The following RTF1 variants were observed in gnomAD, a reference collection of about 807,000 sequenced individuals.
The protein encoded by RTF1 is RTF1 homolog, Paf1/RNA polymerase II complex component, also known as RNA polymerase-associated protein RTF1 homolog.
A neutral mutation model predicts 95.7 loss-of-function variants in RTF1; 10 were observed. That is an observed-to-expected ratio of 0.10 (90% CI 0.06 to 0.18). RTF1 has a LOEUF of 0.18. Ranked by LOEUF, RTF1 falls within the 10% of genes least tolerant of loss-of-function variation. The probability of loss-of-function intolerance (pLI) is 1.00; values close to 1 mark genes in which losing one functional copy is unlikely to be tolerated. For synonymous variants in RTF1, 305 were observed against 311.8 expected (o/e 0.98, Z 0.23); for missense variants, 458 against 875.6 (o/e 0.52, Z 6.02).
At chr15:41,430,006 C>CTTTTTTTTTTTTTTTTTTTTTTT (rs1410593149) in intron 1 of RTF1, among the ~76,000 whole-genome samples, 1 of 143,034 alleles carries the variant, frequency 7.0e-6, no homozygotes, top group Non-Finnish European at 1.5e-5. Context: ...TTTATTTTTT[C>CTTTTTTTTTTTTTTTTTTTTTTT]TTTTCTTTTT....
At position 41,438,395 on chromosome 15, in the gene RTF1, C is replaced by T. The variant is rs377506786; in HGVS notation, c.273C>T (p.Ala91=). ...EKEPPVSQPA[A]SSDSETSDSD... Reference sequence around the variant, plus strand: ...AGCCGCCTGTGAGTCAGCCTGCAGCCTCGTCAGACTCGGAGACGTCTGACA... The same window carrying T: ...AGCCGCCTGTGAGTCAGCCTGCAGCTTCGTCAGACTCGGAGACGTCTGACA... The change falls in exon 2 of 18, where the codon GCC becomes GCT. Residue 91 remains alanine, a synonymous_variant. Transcript: ENST00000389629. The T allele has an allele frequency of 7.8e-5, 121 of 1,551,216 alleles. No homozygotes were observed. In the African/African-American group the frequency reaches 1.4e-3, roughly 18 times the overall value.
Position 41,480,237 on chromosome 15 carries a change from G to C in RTF1, c.1938G>C (p.Leu646Phe). ...MSKGQGKDKD[L>F]NSKSASDLSE... ...AGGGTCAAGGCAAAGATAAAGATTT[G>C]AATTCTAAGTCAGCCAGTGACCTCT... The change falls in exon 17 of 18, where the codon TTG becomes TTC. Residue 646 changes from leucine to phenylalanine, a missense_variant. Around this residue, in one of 11 missense-constraint regions of RTF1, gnomAD observed 50 missense variants for 100.0 expected, o/e 0.50. Transcript: ENST00000389629. 6.2e-7 allele frequency: 1 copy of C among 1,612,958 alleles called. No individual in the cohort carries two copies. The highest frequency in any genetic ancestry group is 8.5e-7 in the Non-Finnish European group (1 of 1,178,946).
chr15:41,465,973 C>T lies in RTF1; in HGVS notation c.778-168C>T, dbSNP rs78967887. On this transcript the variant is annotated intron_variant, in intron 5 of 17. Transcript: ENST00000389629. Reference sequence around the variant, plus strand: ...ATTTTAGACAGGGCTTACTTTACTGCGCTATCCTCTTTGTCCACAAGAGGA... The same window carrying T: ...ATTTTAGACAGGGCTTACTTTACTGTGCTATCCTCTTTGTCCACAAGAGGA... Among the ~76,000 whole-genome samples, 603 of 152,298 alleles carry T rather than the reference C, an allele frequency of 4.0e-3. 3 individuals are homozygous for T. The highest frequency in any genetic ancestry group is 5.2e-3 in the Non-Finnish European group (355 of 68,032).
intron 16 of RTF1, among the ~76,000 whole-genome samples, chr15:41,479,878 A>G (rs2050961771): frequency 6.6e-6 from 1 of 151,972 alleles, no homozygotes; most frequent in Non-Finnish European, 1.5e-5. Context: ...AAAAAAAAAA[A>G]AAAGCAGTTT....
chr15:41,417,149 G>T lies in RTF1; in HGVS notation c.34G>T (p.Ala12Ser). 1 of 1,259,576 alleles carries T rather than the reference G, an allele frequency of 7.9e-7. No individual in the cohort carries two copies. The highest frequency in any genetic ancestry group is 1.0e-6 in the Non-Finnish European group (1 of 998,216). 78.0% of individuals were successfully genotyped at this position (1,259,576 alleles called of 1,614,324 possible). Reference protein sequence around the residue: ...RGRLCVGRAAAAAAAVAVPLA... With the variant: ...RGRLCVGRAASAAAAVAVPLA... ...TCGCCTTTGTGTGGGTCGAGCAGCGGCGGCGGCGGCGGCAGTGGCGGTCCC... is the reference window on the plus strand; with the variant it reads ...TCGCCTTTGTGTGGGTCGAGCAGCGTCGGCGGCGGCGGCAGTGGCGGTCCC... Residue 12 changes from alanine (A) to serine (S), a missense_variant, in exon 1 of 18, where the codon GCG (alanine) becomes TCG (serine). Ala to Ser is a moderately conservative substitution (Grantham distance 99). Coordinates refer to ENST00000389629, the MANE Select transcript of RTF1 (RefSeq NM_015138.5).
In RTF1 at chr15:41,464,792, A is replaced by G; in HGVS notation, c.684A>G (p.Leu228=). 1.3e-6 allele frequency: 2 copies of G among 1,572,646 alleles called. No individual in the cohort carries two copies. Among genetic ancestry groups the G allele is most frequent in the Non-Finnish European group, 1.7e-6 (2 of 1,162,884 alleles). ...CCAGATTTGAAATCAAGAAAAAACT[A>G]AAAACAGCCAAAAAGAAAGAAAAGA... ...LKRRFEIKKK[L]KTAKKKEKKE... The change falls in exon 5 of 18, where the codon CTA becomes CTG. Residue 228 remains leucine (L), a synonymous_variant. Coordinates refer to ENST00000389629, the MANE Select transcript of RTF1 (RefSeq NM_015138.5).
intron 4 of RTF1, among the ~76,000 whole-genome samples, chr15:41,459,940 A>G (rs542411254): frequency 4.6e-5 from 7 of 152,238 alleles, no homozygotes; most frequent in Admixed American, 2.0e-4. Context: ...GATCCTACCT[A>G]TTTAATCTTA....
intron 11 of RTF1, 147 bp from the exon 12 acceptor site, chr15:41,476,299 C>T (rs1415481179): frequency 1.1e-5 from 7 of 653,498 alleles, no homozygotes; most frequent in Admixed American, 2.3e-5. Flanking sequence ...GGAATGAACC[C>T]GCTCTCTCTC....
intron 1 of RTF1, among the ~76,000 whole-genome samples, chr15:41,423,515 A>T (rs1463726195): frequency 1.3e-5 from 2 of 151,952 alleles, no homozygotes; most frequent in Non-Finnish European, 2.9e-5. Flanking sequence ...GATGACAGGC[A>T]CGCGCCACCA....
intron 1 of RTF1, among the ~76,000 whole-genome samples, chr15:41,418,682 T>C (rs925517950): frequency 3.3e-5 from 5 of 151,082 alleles, no homozygotes; most frequent in Admixed American, 6.6e-5. Flanking sequence ...TGGTGGCACA[T>C]GCCTGTAATC....
At chr15:41,434,108 G>C (rs2050689773) in intron 1 of RTF1, among the ~76,000 whole-genome samples, 1 of 150,124 alleles carries the variant, frequency 6.7e-6, no homozygotes, top group Non-Finnish European at 1.5e-5. Context: ...CCTCCCCAAA[G>C]TGCTGGAATT....
At chr15:41,478,669 G>GGTCCT in intron 15 of RTF1, 44 bp downstream of exon 15, 1 of 1,426,408 alleles carries the variant, frequency 7.0e-7, no homozygotes, top group Non-Finnish European at 9.9e-7. Context: ...CTAGATTCTA[G>GGTCCT]GACACAAAAT....
chr15:41,418,263 G>C (rs975548069), intron 1 of RTF1, among the ~76,000 whole-genome samples: 1 of 152,226 alleles, frequency 6.6e-6, no homozygotes, highest in African/African-American at 2.4e-5. Flanking sequence ...GCAAGAGATA[G>C]TAGCTTTTGA....
Position 41,417,146 on chromosome 15 carries a change from G to T in RTF1, c.31G>T (p.Ala11Ser), listed in dbSNP as rs2140941318. MRGRLCVGRA[A>S]AAAAAVAVPL... ...CGGTCGCCTTTGTGTGGGTCGAGCAGCGGCGGCGGCGGCGGCAGTGGCGGT... is the reference window on the plus strand; with the variant it reads ...CGGTCGCCTTTGTGTGGGTCGAGCATCGGCGGCGGCGGCGGCAGTGGCGGT... Residue 11 changes from alanine to serine, a missense_variant, in exon 1 of 18, where the codon GCG becomes TCG. Physicochemically the swap from Ala to Ser is moderately conservative, Grantham distance 99. Coordinates refer to ENST00000389629, the MANE Select transcript of RTF1 (RefSeq NM_015138.5). 1 of 1,250,968 alleles carries T rather than the reference G, an allele frequency of 8.0e-7. No homozygotes were observed. Among genetic ancestry groups the T allele is most frequent in the Non-Finnish European group, 1.0e-6 (1 of 993,260 alleles). 77.5% of individuals were successfully genotyped at this position (1,250,968 alleles called of 1,614,324 possible).
In RTF1 at chr15:41,420,394, G is replaced by T. The variant is rs188906237; in HGVS notation, c.198+3081G>T. Among the ~76,000 whole-genome samples the T allele has an allele frequency of 2.0e-5, 3 of 152,234 alleles. No individual in the cohort carries two copies. In the East Asian group the frequency reaches 5.8e-4, roughly 29 times the overall value. Reference sequence around the variant, plus strand: ...ATCTCTGCCCTCTAGACATTTTCACGAAAGACCTTTAGCACAAGTTCACTG... The same window carrying T: ...ATCTCTGCCCTCTAGACATTTTCACTAAAGACCTTTAGCACAAGTTCACTG... On this transcript the variant is annotated intron_variant, in intron 1 of 17. Coordinates refer to ENST00000389629, the MANE Select transcript of RTF1 (RefSeq NM_015138.5).
intron 6 of RTF1, among the ~76,000 whole-genome samples, chr15:41,469,727 G>A (rs1015587347): frequency 3.3e-5 from 5 of 152,032 alleles, no homozygotes; most frequent in African/African-American, 1.2e-4. Context: ...GTTTCACCAT[G>A]TTGACCAAGC....
At chr15:41,437,118 C>A (rs1340142417) in intron 1 of RTF1, among the ~76,000 whole-genome samples, 1 of 151,170 alleles carries the variant, frequency 6.6e-6, no homozygotes, top group African/African-American at 2.4e-5. Context: ...CCAAGAACAA[C>A]AAAAAAATCT....
intron 1 of RTF1, among the ~76,000 whole-genome samples, chr15:41,423,213 G>A (rs538184244): frequency 1.3e-5 from 2 of 152,244 alleles, no homozygotes; most frequent in East Asian, 3.9e-4. Context: ...AGTGTTTTCC[G>A]CATTAATCAG....
At position 41,473,442 on chromosome 15, in the gene RTF1, G is replaced by GT. The variant is rs756423671; in HGVS notation, c.1204-1162dup. Among the ~76,000 whole-genome samples, 821 of 138,490 alleles carry GT rather than the reference G, an allele frequency of 5.9e-3. 3 individuals carry two copies. Among genetic ancestry groups the GT allele is most frequent in the South Asian group, 9.5e-3 (41 of 4,326 alleles). 90.9% of individuals were successfully genotyped at this position (138,490 alleles called of 152,430 possible). Reference sequence around the variant, plus strand: ...CCACCACGCCCGGCCCAGGTGTTGGGTTTTTTTTTTTTTTTTGAGACAGTG... The same window carrying GT: ...CCACCACGCCCGGCCCAGGTGTTGGGTTTTTTTTTTTTTTTTTGAGACAGTG... On this transcript the variant is annotated intron_variant, in intron 8 of 17. Transcript: ENST00000389629.
Sources: allele counts gnomAD v4.1 joint callset (sites outside exome capture counted in the v4.1 genomes callset), GRCh38; gene constraint gnomAD v4.1.1; regional missense constraint gnomAD v4.1.1; transcripts MANE v1.5; gene names NCBI Gene and HGNC (gene_info 2026-07-23, HGNC 2026-07-21).